The following FAM120A variants were observed in gnomAD, a reference collection of about 807,000 sequenced individuals.
FAM120A encodes family with sequence similarity 120 member A, also known as constitutive coactivator of PPAR-gamma-like protein 1.
Under a neutral mutation model 109.7 loss-of-function variants are expected in FAM120A, and 15 were observed. The ratio of observed to expected loss-of-function variants is 0.14; its 90% CI spans 0.09 to 0.21. The LOEUF is 0.21. Among genes scored for constraint, FAM120A ranks in the 10% least tolerant of loss-of-function variants. The pLI is 1.00. For missense variants in FAM120A, 899 were observed against 1,439.3 expected, an observed-to-expected ratio of 0.62 and a Z score of 6.07; for synonymous variants, 493 against 572.8, an observed-to-expected ratio of 0.86 and a Z score of 1.99.
chr9:93,560,739 T>G (rs16909307), intron 15 of FAM120A, among the ~76,000 whole-genome samples: 9,947 of 152,282 alleles, frequency 0.065, 1,083 homozygotes, highest in African/African-American at 0.23. Flanking sequence ...GATGTTCAGT[T>G]AAGGTAGTAA....
Position 93,498,998 on chromosome 9 carries a change from G to A in FAM120A, c.1030+112G>A, listed in dbSNP as rs1361439497. 1 of 783,622 alleles carries A rather than the reference G, an allele frequency of 1.3e-6. No individual in the cohort carries two copies. The highest frequency in any genetic ancestry group is 1.7e-5 in the African/African-American group (1 of 57,912). The allele number at this position is 783,622 out of a possible 1,614,324, so 48.5% of individuals were successfully genotyped here. On this transcript the variant is annotated intron_variant, in intron 5 of 17. Transcript: ENST00000277165. The surrounding 1 kb of genome is among the most constrained non-coding windows in gnomAD (Gnocchi z 4.4). ...TGTTTTTGAAACATGATTTTCTGTA[G>A]TTATGCCAGTAAGTATAGCCAAACT...
chr9:93,506,856 A>G (rs574703984), intron 5 of FAM120A, among the ~76,000 whole-genome samples: 3 of 152,236 alleles, frequency 2.0e-5, no homozygotes, highest in Admixed American at 6.5e-5. Context: ...TCGGCCTCCC[A>G]AAGTGCTGTC....
chr9:93,535,499 A>G (rs546525288), intron 10 of FAM120A, among the ~76,000 whole-genome samples: 2 of 152,370 alleles, frequency 1.3e-5, no homozygotes, highest in Non-Finnish European at 2.9e-5. Flanking sequence ...TTAATGTGCT[A>G]TGACAAATAC....
At chr9:93,562,756 C>T (rs532755058) in intron 17 of FAM120A, among the ~76,000 whole-genome samples, 1 of 151,502 alleles carries the variant, frequency 6.6e-6, no homozygotes, top group South Asian at 2.1e-4. Context: ...CCTCCACTTC[C>T]CGGGTTCAAG....
intron 2 of FAM120A, among the ~76,000 whole-genome samples, chr9:93,472,893 C>T (rs574189612): frequency 6.6e-6 from 1 of 152,282 alleles, no homozygotes; most frequent in Non-Finnish European, 1.5e-5. Context: ...CAACAGACCT[C>T]CTAGAAACCT....
At chr9:93,456,527 G>C (rs1046588466) in intron 1 of FAM120A, among the ~76,000 whole-genome samples, 1 of 152,182 alleles carries the variant, frequency 6.6e-6, no homozygotes, top group South Asian at 2.1e-4. Context: ...TATACTTGAT[G>C]GGGGAAGAGA....
rs376198948 is a variant in FAM120A, at chr9:93,488,799, CCTTA to C, written c.805-8668_805-8665del. Among the ~76,000 whole-genome samples the C allele has an allele frequency of 4.0e-4, 61 of 152,152 alleles. 2 individuals are homozygous for C. The East Asian group carries it at 9.7e-3, about 24-fold the overall frequency. On this transcript the variant is annotated intron_variant, in intron 3 of 17. Transcript: ENST00000277165. ...TATTTTCTGAATTGCCACATCCTCT[CCTTA>C]CTTCTGTTTCAGTCACTGCTTGCTG... is the stretch of plus-strand genomic sequence containing the variant.
In FAM120A at chr9:93,485,763, A is replaced by G. The variant is rs558021945; in HGVS notation, c.804+9425A>G. On this transcript the variant is annotated intron_variant, in intron 3 of 17. Coordinates refer to ENST00000277165, the MANE Select transcript of FAM120A (RefSeq NM_014612.5). ...TCTAGCCCCTGTCACCCCAAAAAGA[A>G]GCCATGTCCGCTTCGGCAGTCACTC... is the stretch of plus-strand genomic sequence containing the variant. 2.7e-5 allele frequency among the ~76,000 whole-genome samples: 4 copies of G among 149,740 alleles called. No homozygotes were observed. In the East Asian group the frequency reaches 7.7e-4, roughly 29 times the overall value.
chr9:93,550,141 G>A (rs1171116625), intron 11 of FAM120A, among the ~76,000 whole-genome samples: 1 of 152,204 alleles, frequency 6.6e-6, no homozygotes, highest in African/African-American at 2.4e-5. Context: ...CAGCTGCAGA[G>A]TGGCCAGGCA....
intron 8 of FAM120A, 128 bp downstream of exon 8, chr9:93,527,370 G>A (rs1861129706): frequency 1.5e-6 from 1 of 689,046 alleles, no homozygotes; most frequent in Non-Finnish European, 2.5e-6. Flanking sequence ...TTTACAAAGG[G>A]GATAAGCGGG....
rs536735309 is a variant in FAM120A at position 93,506,824 on chromosome 9, C to G, written c.1030+7938C>G. 5.3e-5 allele frequency among the ~76,000 whole-genome samples: 8 copies of G among 152,184 alleles called. No individual in the cohort carries two copies. In the South Asian group the frequency reaches 1.5e-3, roughly 28 times the overall value. On this transcript the variant is annotated intron_variant, in intron 5 of 17. Coordinates refer to ENST00000277165, the MANE Select transcript of FAM120A (RefSeq NM_014612.5). ...TGTTAGCCAGGCTGATCTCGAACTC[C>G]TGACCTCATGATCTGCCCACCTCGG...
intron 5 of FAM120A, among the ~76,000 whole-genome samples, chr9:93,502,565 T>TACATACACAC (rs1554778296): frequency 1.4e-5 from 2 of 146,692 alleles, no homozygotes; most frequent in Non-Finnish European, 3.0e-5. Context: ...GGAGGACACA[T>TACATACACAC]ACACACACAC....
chr9:93,560,856 T>C (rs1862441540), intron 15 of FAM120A, among the ~76,000 whole-genome samples: 1 of 152,246 alleles, frequency 6.6e-6, no homozygotes, highest in South Asian at 2.1e-4. Flanking sequence ...TTATTGTATC[T>C]GTTTCTATCT....
intron 5 of FAM120A, among the ~76,000 whole-genome samples, chr9:93,505,461 T>A (rs900267342): frequency 5.3e-5 from 8 of 152,232 alleles, no homozygotes; most frequent in Admixed American, 3.3e-4. Context: ...CTGCAAATAA[T>A]AATCTTCCAA....
intron 5 of FAM120A, among the ~76,000 whole-genome samples, chr9:93,499,250 G>T (rs1316910033): frequency 1.3e-5 from 2 of 151,380 alleles, no homozygotes; most frequent in African/African-American, 4.8e-5. Context: ...CAGTGTATTT[G>T]TAGTCTCTCT....
chr9:93,471,132 G>T lies in FAM120A; in HGVS notation c.475-9G>T, dbSNP rs553257804. On this transcript the variant is annotated splice_polypyrimidine_tract_variant and intron_variant, in intron 1 of 17. Coordinates refer to ENST00000277165, the MANE Select transcript of FAM120A (RefSeq NM_014612.5). ...CTACATCTGATGAAGTTTTTTTCTCGTTTGCCAGGTTGCACAGAGCATTGA... is the reference window on the plus strand; with the variant it reads ...CTACATCTGATGAAGTTTTTTTCTCTTTTGCCAGGTTGCACAGAGCATTGA... The T allele has an allele frequency of 1.2e-6, 2 of 1,612,560 alleles. No individual in the cohort carries two copies. Among genetic ancestry groups the T allele is most frequent in the Non-Finnish European group, 8.5e-7 (1 of 1,179,256 alleles).
At chr9:93,557,645 A>T (rs1001733456) in intron 13 of FAM120A, among the ~76,000 whole-genome samples, 182 bp from the exon 14 acceptor site, 1 of 152,246 alleles carries the variant, frequency 6.6e-6, no homozygotes, top group East Asian at 1.9e-4. Context: ...GAAAACTGCC[A>T]TAAGTATTGA....
chr9:93,546,440 G>A (rs534544584), intron 11 of FAM120A, among the ~76,000 whole-genome samples: 5 of 152,290 alleles, frequency 3.3e-5, no homozygotes, highest in South Asian at 4.1e-4. Context: ...TTTCAGCTTC[G>A]TGTTTAAGTT....
rs10672125 is a variant in FAM120A, at chr9:93,554,120, T to TACACACACACACACACACACACAC, written c.2275-2225_2275-2202dup. On this transcript the variant is annotated intron_variant, in intron 12 of 17. Coordinates refer to ENST00000277165, the MANE Select transcript of FAM120A (RefSeq NM_014612.5). ...ATCCTTTAATGTTAAGGCCATTTGA[T>TACACACACACACACACACACACAC]ACACACACACACACACACACACACA... is the stretch of plus-strand genomic sequence containing the variant. Among the ~76,000 whole-genome samples the TACACACACACACACACACACACAC allele has an allele frequency of 4.6e-3, 406 of 87,444 alleles. 46 individuals are homozygous for TACACACACACACACACACACACAC. Among genetic ancestry groups the TACACACACACACACACACACACAC allele is most frequent in the East Asian group, 0.011 (25 of 2,248 alleles). The allele number at this position is 87,444 out of a possible 152,430, so 57.4% of individuals were successfully genotyped here.
Sources: gnomAD v4.1 joint callset for allele counts (sites outside exome capture counted in the v4.1 genomes callset) on GRCh38, gnomAD v4.1.1 for gene constraint, Gnocchi (gnomAD v3.1) non-coding constraint, MANE v1.5 for transcripts, NCBI Gene and HGNC (gene_info 2026-07-23, HGNC 2026-07-21) for gene names.